Variants in TBX18 observed in about 807,000 individuals in gnomAD.
TBX18 encodes the protein T-box transcription factor TBX18.
TBX18 carries 21 observed loss-of-function variants against 55.0 expected under a neutral mutation model. The observed-to-expected ratio is 0.38, with a 90% CI of 0.27 to 0.55. The LOEUF is 0.55. Among genes scored for constraint, TBX18 ranks in the 20% least tolerant of loss-of-function variants. The pLI is 0.73. For synonymous variants in TBX18, 342 were observed against 326.1 expected (o/e 1.05, Z -0.53); for missense variants, 840 against 799.6 (o/e 1.05, Z -0.61).
At chr6:84,760,107 C>T (rs1241736880) in intron 3 of TBX18, 148 bp downstream of exon 3, 2 of 430,112 alleles carry the variant, frequency 4.6e-6, no homozygotes, top group African/African-American at 2.0e-5. Context: ...CCATCTGGGC[C>T]GCTGGCACCC....
chr6:84,752,731 C>A (rs182620560), intron 4 of TBX18, among the ~76,000 whole-genome samples: 2 of 152,262 alleles, frequency 1.3e-5, no homozygotes, highest in African/African-American at 2.4e-5. Context: ...CTTGCTGCTT[C>A]CACACCTGAT....
intron 2 of TBX18, among the ~76,000 whole-genome samples, chr6:84,760,631 T>C (rs1767624265): frequency 6.6e-6 from 1 of 152,142 alleles, no homozygotes. Context: ...GAGGGAGTAA[T>C]GGCACAAAAG....
In TBX18 at chr6:84,762,763, A is replaced by C. The variant is rs377001202; in HGVS notation, c.293-15T>G. 308 of 1,581,900 alleles carry C rather than the reference A, an allele frequency of 1.9e-4. 1 individual carries two copies. The highest frequency in any genetic ancestry group is 2.5e-4 in the Non-Finnish European group (286 of 1,164,634). ...CTCACAGCCGCCTGGACAGCAAAGG[A>C]CAGAGAAAGGGAACTGGTGAGGGAA... On this transcript the variant is annotated splice_polypyrimidine_tract_variant and intron_variant, in intron 1 of 7. Transcript: ENST00000369663.
intron 4 of TBX18, among the ~76,000 whole-genome samples, chr6:84,751,626 C>T (rs1328900327): frequency 6.6e-6 from 1 of 152,150 alleles, no homozygotes; most frequent in Non-Finnish European, 1.5e-5. Context: ...TTCCTGCAAT[C>T]ATTTTGTGTG....
chr6:84,764,061 G>C lies in TBX18; in HGVS notation c.121C>G (p.Leu41Val). The C allele has an allele frequency of 6.4e-7, 1 of 1,571,454 alleles. No individual in the cohort carries two copies. The highest frequency in any genetic ancestry group is 8.6e-7 in the Non-Finnish European group (1 of 1,162,220). The stretch of plus-strand genomic sequence containing the variant: ...GCCCCCGCCGCCTCTTCGGCGCCCA[G>C]TTTTCGCCGCTTCTTCTGAAGCTGT... Reference protein sequence around the residue: ...QQQLQKKRRKLGAEEAAGAVD... With the variant: ...QQQLQKKRRKVGAEEAAGAVD... Residue 41 changes from leucine to valine, a missense_variant, in exon 1 of 8, where the codon CTG becomes GTG. Physicochemically the swap from Leu to Val is conservative, Grantham distance 32. Coordinates refer to ENST00000369663, the MANE Select transcript of TBX18 (RefSeq NM_001080508.3).
In TBX18 at chr6:84,736,454, CAG is replaced by C. The variant is rs201849189; in HGVS notation, c.*229_*230del. ...CAATACTCCGTGCAACTGGATGAAA[CAG>C]GGGAACAATAGGGGCCGTGATACTC... On this transcript the variant is annotated 3_prime_UTR_variant, in exon 8 of 8. Transcript: ENST00000369663. 6.2e-3 allele frequency: 2,237 copies of C among 361,804 alleles called. 32 individuals carry two copies. The highest frequency in any genetic ancestry group is 0.037 in the African/African-American group (1,758 of 47,806). 22.4% of individuals were successfully genotyped at this position (361,804 alleles called of 1,614,324 possible). A position where few individuals can be genotyped will look rare whatever the true frequency, so the allele number is the denominator to read the frequency against.
At position 84,736,843 on chromosome 6, in the gene TBX18, C is replaced by A; in HGVS notation, c.1666G>T (p.Gly556Trp). 1.2e-6 allele frequency: 2 copies of A among 1,613,744 alleles called. No individual in the cohort carries two copies. Among genetic ancestry groups the A allele is most frequent in the Non-Finnish European group, 1.7e-6 (2 of 1,179,904 alleles). ...KIVSSQGSFL[G>W]SSPSGTMTDR... ...GTCATGGTCCCACTCGGTGAGGACC[C>A]CAAGAAACTTCCTTGGGAAGAAACA... The change falls in exon 8 of 8, where the codon GGG (glycine) becomes TGG (tryptophan). Residue 556 changes from glycine (G) to tryptophan (W), a missense_variant. Physicochemically the swap from Gly to Trp is radical, Grantham distance 184 (BLOSUM62 -2). Coordinates refer to ENST00000369663, the MANE Select transcript of TBX18 (RefSeq NM_001080508.3).
intron 5 of TBX18, 65 bp downstream of exon 5, chr6:84,747,855 T>C: frequency 6.9e-7 from 1 of 1,454,344 alleles, no homozygotes; most frequent in Non-Finnish European, 9.5e-7. Flanking sequence ...GTGAGAAGGA[T>C]AGCTAACTTT....
intron 4 of TBX18, among the ~76,000 whole-genome samples, chr6:84,751,694 G>A (rs1036489767): frequency 2.0e-5 from 3 of 152,148 alleles, no homozygotes; most frequent in African/African-American, 7.2e-5. Flanking sequence ...CTGCACACTT[G>A]CACAGATTTG....
Position 84,737,149 on chromosome 6 carries a change from T to C in TBX18, c.1360A>G (p.Thr454Ala), listed in dbSNP as rs1766891433. The C allele has an allele frequency of 6.2e-7, 1 of 1,613,860 alleles. No individual in the cohort carries two copies. The highest frequency in any genetic ancestry group is 8.5e-7 in the Non-Finnish European group (1 of 1,179,944). ...QAGETFAPPR[T>A]PSYVGVSSST... ...CTGCTCACGCCCACATAGGAGGGAG[T>C]CCTGGGCGGGGCAAAGGTCTCACCA... Residue 454 changes from threonine to alanine, a missense_variant, in exon 8 of 8, where the codon ACT (threonine) becomes GCT (alanine). Physicochemically the swap from Thr to Ala is moderately conservative, Grantham distance 58. Coordinates refer to ENST00000369663, the MANE Select transcript of TBX18 (RefSeq NM_001080508.3).
chr6:84,760,145 T>C (rs929432601), intron 3 of TBX18, 110 bp downstream of exon 3: 11 of 611,366 alleles, frequency 1.8e-5, no homozygotes, highest in Non-Finnish European at 2.7e-5. Flanking sequence ...GATCTGGAAA[T>C]TCTACAGACT....
intron 3 of TBX18, among the ~76,000 whole-genome samples, chr6:84,759,256 T>G (rs1767580757): frequency 6.6e-6 from 1 of 152,110 alleles, no homozygotes; most frequent in Admixed American, 6.5e-5. Context: ...GTATTCTATA[T>G]GTCCATGTAC....
chr6:84,763,009 C>T, intron 1 of TBX18: 1 of 537,294 alleles, frequency 1.9e-6, no homozygotes. Context: ...GGGCAGCGTC[C>T]ACCCCACCCG....
chr6:84,748,253 A>G (rs1201015942), intron 4 of TBX18, among the ~76,000 whole-genome samples, 166 bp from the exon 5 acceptor site: 4 of 152,206 alleles, frequency 2.6e-5, no homozygotes, highest in African/African-American at 9.6e-5. Flanking sequence ...GAAGGCTAAG[A>G]AGTTGTTTGT....
chr6:84,749,650 C>G (rs1390631436), intron 4 of TBX18, among the ~76,000 whole-genome samples: 3 of 152,012 alleles, frequency 2.0e-5, no homozygotes, highest in Non-Finnish European at 4.4e-5. Context: ...ACAAGCAAAT[C>G]TGCAATCTCA....
At chr6:84,741,697 A>G (rs1469165024) in intron 6 of TBX18, 2 of 152,202 alleles carry the variant, frequency 1.3e-5, no homozygotes, top group African/African-American at 4.8e-5. Context: ...TGTTTTAAAA[A>G]CCACTAACAA....
intron 2 of TBX18, among the ~76,000 whole-genome samples, chr6:84,762,213 T>C (rs1423393320): frequency 6.6e-6 from 1 of 151,630 alleles, no homozygotes; most frequent in African/African-American, 2.4e-5. Context: ...AGAGCCTAAA[T>C]AAATACCTGG....
rs145473026 is a variant in TBX18 at position 84,737,050 on chromosome 6, T to C, written c.1459A>G (p.Met487Val). 239 of 1,614,142 alleles carry C rather than the reference T, an allele frequency of 1.5e-4. 1 individual carries two copies. The South Asian group carries it at 1.5e-3, about 10-fold the overall frequency. The change falls in exon 8 of 8, where the codon ATG becomes GTG. Residue 487 changes from methionine (M) to valine (V), a missense_variant. Coordinates refer to ENST00000369663, the MANE Select transcript of TBX18 (RefSeq NM_001080508.3). Reference protein sequence around the residue: ...TFSCPQTSLSMQISGMSPQLQ... With the variant: ...TFSCPQTSLSVQISGMSPQLQ... ...TGGGGGGACATTCCCGAAATCTGCA[T>C]GGATAAGCTGGTCTGTGGGCAGCTG...
At chr6:84,744,013 A>C (rs1767114004) in intron 6 of TBX18, among the ~76,000 whole-genome samples, 1 of 152,210 alleles carries the variant, frequency 6.6e-6, no homozygotes, top group Non-Finnish European at 1.5e-5. Context: ...AGGCCCCTTC[A>C]GAAACAGCAT....
Sources: gnomAD v4.1 joint callset for allele counts (sites outside exome capture counted in the v4.1 genomes callset) on GRCh38, gnomAD v4.1.1 for gene constraint, MANE v1.5 for transcripts, NCBI Gene and HGNC (gene_info 2026-07-23, HGNC 2026-07-21) for gene names.